Variants in RSBN1 observed in about 807,000 individuals in gnomAD.
The protein encoded by RSBN1 is round spermatid basic protein 1, also known as lysine-specific demethylase 9.
Under a neutral mutation model 74.8 loss-of-function variants are expected in RSBN1, and 23 were observed. The ratio of observed to expected loss-of-function variants is 0.31; its 90% CI spans 0.22 to 0.44. The LOEUF (loss-of-function observed/expected upper bound fraction) is 0.44, where lower values mean the gene tolerates loss of function less well. RSBN1 is among the 20% of genes least tolerant of loss of function. RSBN1 has a pLI of 1.00. For missense variants in RSBN1, 808 were observed against 1,020.9 expected (o/e 0.79, Z 2.84); for synonymous variants, 407 against 379.6 (o/e 1.07, Z -0.84).
chr1:113,798,619 T>C (rs989021514), intron 1 of RSBN1, among the ~76,000 whole-genome samples: 9 of 152,176 alleles, frequency 5.9e-5, no homozygotes, highest in Non-Finnish European at 1.0e-4. Context: ...TGAAGGGCAA[T>C]TTCATGATAC....
intron 2 of RSBN1, among the ~76,000 whole-genome samples, chr1:113,790,743 T>C (rs1441271749): frequency 1.3e-5 from 2 of 152,180 alleles, no homozygotes; most frequent in Admixed American, 6.5e-5. Context: ...AAAGATGCTA[T>C]CTACAGGTCA....
chr1:113,803,345 C>T (rs1171179051), intron 1 of RSBN1, among the ~76,000 whole-genome samples: 1 of 152,198 alleles, frequency 6.6e-6, no homozygotes, highest in Non-Finnish European at 1.5e-5. Context: ...AAATTTTCAG[C>T]TCCTCGGGGT....
chr1:113,773,598 G>C (rs12041547), intron 4 of RSBN1, among the ~76,000 whole-genome samples: 29,234 of 152,206 alleles, frequency 0.19, 3,828 homozygotes, highest in East Asian at 0.59. Flanking sequence ...TGTTAGTGGA[G>C]AGTATGAGAA....
intron 2 of RSBN1, among the ~76,000 whole-genome samples, chr1:113,788,393 T>C (rs907254103): frequency 1.1e-4 from 16 of 152,282 alleles, no homozygotes; most frequent in African/African-American, 3.4e-4. Context: ...ATGTTTTATT[T>C]CTTGGGCCAG....
chr1:113,798,476 T>C (rs1269981615), intron 1 of RSBN1, among the ~76,000 whole-genome samples: 1 of 152,212 alleles, frequency 6.6e-6, no homozygotes, highest in Non-Finnish European at 1.5e-5. Context: ...TGAATTACTA[T>C]GATACATACA....
At chr1:113,788,889 A>C (rs533087590) in intron 2 of RSBN1, among the ~76,000 whole-genome samples, 32 of 152,172 alleles carry the variant, frequency 2.1e-4, no homozygotes, top group African/African-American at 7.5e-4. Flanking sequence ...CCCCGACCCA[A>C]AAAAAGACAT....
intron 1 of RSBN1, among the ~76,000 whole-genome samples, chr1:113,808,975 TAGCCACTG>T (rs1660774582): frequency 6.6e-6 from 1 of 152,104 alleles, no homozygotes; most frequent in African/African-American, 2.4e-5. Flanking sequence ...ATGTAAGATG[TAGCCACTG>T]AGGGAAACTG....
intron 2 of RSBN1, among the ~76,000 whole-genome samples, chr1:113,781,098 C>T (rs978026955): frequency 2.6e-4 from 40 of 152,262 alleles, no homozygotes; most frequent in South Asian, 1.7e-3. Flanking sequence ...AGGCCTGAAA[C>T]ATTCAAACTA....
intron 2 of RSBN1, among the ~76,000 whole-genome samples, chr1:113,784,021 A>G (rs1660192168): frequency 6.6e-6 from 1 of 152,226 alleles, no homozygotes; most frequent in Non-Finnish European, 1.5e-5. Context: ...CCTAAAAAAT[A>G]TCTATAACTA....
chr1:113,771,545 C>A (rs1935837), intron 4 of RSBN1, among the ~76,000 whole-genome samples: 1 of 148,750 alleles, frequency 6.7e-6, no homozygotes. Flanking sequence ...GAAAAAAATT[C>A]TAAAAGGCAT....
chr1:113,768,056 G>GTAAA, intron 5 of RSBN1, 166 bp downstream of exon 5: 1 of 512,964 alleles, frequency 1.9e-6, no homozygotes, highest in East Asian at 3.1e-5. Context: ...TCGTAACAAT[G>GTAAA]TAAAGATGCT....
intron 4 of RSBN1, among the ~76,000 whole-genome samples, chr1:113,770,754 T>C (rs1571294616): frequency 6.6e-6 from 1 of 151,966 alleles, no homozygotes; most frequent in South Asian, 2.1e-4. Flanking sequence ...CTTCTGAAGA[T>C]AGCAGCCTGA....
chr1:113,772,810 A>G (rs954881954), intron 4 of RSBN1, among the ~76,000 whole-genome samples: 3 of 152,220 alleles, frequency 2.0e-5, no homozygotes, highest in African/African-American at 7.2e-5. Flanking sequence ...TAAATAAATG[A>G]TGTTGGTACA....
rs1659744302 is a variant in RSBN1 at position 113,764,586 on chromosome 1, G to A, written c.*1394C>T. On this transcript the variant is annotated 3_prime_UTR_variant, in exon 7 of 7. Coordinates refer to ENST00000261441, the MANE Select transcript of RSBN1 (RefSeq NM_018364.5). ...CAAAAGATGCAGCTAAGTTTTCATGGTGACAGACATAATAAAGCAGCATCT... is the reference window on the plus strand; with the variant it reads ...CAAAAGATGCAGCTAAGTTTTCATGATGACAGACATAATAAAGCAGCATCT... 2 of 150,340 alleles carry A rather than the reference G, an allele frequency of 1.3e-5. No homozygotes were observed. Among genetic ancestry groups the A allele is most frequent in the Non-Finnish European group, 1.5e-5 (1 of 67,648 alleles). The allele number at this position is 150,340 out of a possible 1,614,324, so 9.3% of individuals were successfully genotyped here.
chr1:113,791,233 T>TA (rs566882819), intron 2 of RSBN1, among the ~76,000 whole-genome samples: 1 of 151,946 alleles, frequency 6.6e-6, no homozygotes, highest in Non-Finnish European at 1.5e-5. Context: ...ATATGCCTAT[T>TA]AAAAAAAATA....
chr1:113,767,197 G>A lies in RSBN1; in HGVS notation c.1837C>T (p.Pro613Ser). The A allele has an allele frequency of 6.2e-7, 1 of 1,606,080 alleles. No homozygotes were observed. Among genetic ancestry groups the A allele is most frequent in the Non-Finnish European group, 8.5e-7 (1 of 1,174,512 alleles). The change falls in exon 6 of 7, where the codon CCT (proline) becomes TCT (serine). Residue 613 changes from proline (P) to serine (S), a missense_variant. Pro to Ser is a moderately conservative substitution (Grantham distance 74). Around this residue, in one of 6 missense-constraint regions of RSBN1, gnomAD observed 18 missense variants for 16.2 expected, o/e 1.11. Coordinates refer to ENST00000261441, the MANE Select transcript of RSBN1 (RefSeq NM_018364.5). ...AVQFGEWSDQ[P>S]RITKDVICFH... ...CAAATCACATCTTTGGTTATGCGAG[G>A]TTGGTCACTCCTAAGATTAACAAAA...
chr1:113,804,868 C>G (rs1660670439), intron 1 of RSBN1, among the ~76,000 whole-genome samples: 1 of 145,194 alleles, frequency 6.9e-6, no homozygotes, highest in Admixed American at 7.0e-5. Flanking sequence ...CTCAGGAACA[C>G]TTACACTCGG....
intron 2 of RSBN1, among the ~76,000 whole-genome samples, chr1:113,789,209 C>T (rs1007883050): frequency 6.6e-6 from 1 of 152,124 alleles, no homozygotes; most frequent in Non-Finnish European, 1.5e-5. Context: ...TGACCACCAA[C>T]GGCCACTGGC....
chr1:113,784,670 G>A (rs1335669917), intron 2 of RSBN1, among the ~76,000 whole-genome samples: 1 of 152,230 alleles, frequency 6.6e-6, no homozygotes, highest in Admixed American at 6.5e-5. Flanking sequence ...AGGAGGCGGA[G>A]CTCAAGCAGC....
Sources: allele counts gnomAD v4.1 joint callset (sites outside exome capture counted in the v4.1 genomes callset), GRCh38; gene constraint gnomAD v4.1.1; regional missense constraint gnomAD v4.1.1; transcripts MANE v1.5; gene names NCBI Gene and HGNC (gene_info 2026-07-23, HGNC 2026-07-21).